Variants in TSHZ2 observed in about 807,000 individuals in gnomAD.
TSHZ2 encodes teashirt homolog 2.
In TSHZ2, 21 loss-of-function variants were observed where a neutral mutation model predicts 74.4. That is an observed-to-expected ratio of 0.28 (90% confidence interval 0.20 to 0.41). The LOEUF is 0.41. TSHZ2 is among the 10% of genes least tolerant of loss of function. The pLI, the probability that TSHZ2 is intolerant of heterozygous loss-of-function variation, is 1.00. For synonymous variants in TSHZ2, 540 were observed against 515.3 expected (o/e 1.05, Z -0.65); for missense variants, 1,244 against 1,293.5 (o/e 0.96, Z 0.59).
intron 2 of TSHZ2, among the ~76,000 whole-genome samples, chr20:53,414,668 T>A (rs776524629): frequency 3.2e-4 from 48 of 152,032 alleles, no homozygotes; most frequent in South Asian, 6.3e-4. Flanking sequence ...TTAAAAAAAA[T>A]TTTATTTAAT....
intron 2 of TSHZ2, among the ~76,000 whole-genome samples, chr20:53,290,704 G>A (rs562188304): frequency 4.9e-4 from 74 of 152,300 alleles, no homozygotes; most frequent in Non-Finnish European, 6.2e-4. Context: ...GTATAGAGAG[G>A]TAAATGTATT....
intron 2 of TSHZ2, chr20:53,455,567 T>A (rs1985029708): frequency 6.6e-6 from 1 of 151,440 alleles, no homozygotes; most frequent in African/African-American, 2.4e-5. Flanking sequence ...TTTTTCTTTT[T>A]TTATTATTAT....
chr20:53,463,028 C>T (rs1049432889), intron 2 of TSHZ2, among the ~76,000 whole-genome samples: 2 of 152,158 alleles, frequency 1.3e-5, no homozygotes, highest in African/African-American at 4.8e-5. Context: ...TAAGGTAAGT[C>T]CACAATAACT....
chr20:53,236,835 A>G (rs973297340), intron 1 of TSHZ2, among the ~76,000 whole-genome samples: 1 of 152,168 alleles, frequency 6.6e-6, no homozygotes, highest in Non-Finnish European at 1.5e-5. Context: ...TGAAGTGGGG[A>G]AAAGCCCCTT....
chr20:53,283,719 A>G (rs1991109001), intron 2 of TSHZ2, among the ~76,000 whole-genome samples: 2 of 152,132 alleles, frequency 1.3e-5, no homozygotes, highest in Non-Finnish European at 1.5e-5. Flanking sequence ...TCTTATTCCT[A>G]TTTTACAGTT....
intron 1 of TSHZ2, among the ~76,000 whole-genome samples, chr20:53,099,224 A>C (rs1189532021): frequency 6.6e-6 from 1 of 152,212 alleles, no homozygotes; most frequent in Non-Finnish European, 1.5e-5. Context: ...ATGCAGCTGC[A>C]TTCCTCAAAG....
chr20:53,134,029 C>A (rs1600706019), intron 1 of TSHZ2, among the ~76,000 whole-genome samples: 1 of 146,154 alleles, frequency 6.8e-6, no homozygotes, highest in African/African-American at 2.6e-5. Context: ...TCTGGAGAAA[C>A]AGATAGCCAC....
At chr20:53,250,905 G>C (rs1392818044) in intron 1 of TSHZ2, among the ~76,000 whole-genome samples, 1 of 146,926 alleles carries the variant, frequency 6.8e-6, no homozygotes, top group Non-Finnish European at 1.5e-5. Flanking sequence ...GGCAGATTGT[G>C]TGTGTGTGTG....
chr20:53,028,793 T>A (rs1388858269), intron 1 of TSHZ2, among the ~76,000 whole-genome samples: 1 of 152,120 alleles, frequency 6.6e-6, no homozygotes, highest in Non-Finnish European at 1.5e-5. Flanking sequence ...CTCTGGAGAT[T>A]ACACCATCTT....
intron 1 of TSHZ2, among the ~76,000 whole-genome samples, chr20:53,235,797 G>A (rs937337031): frequency 6.6e-5 from 10 of 152,100 alleles, no homozygotes; most frequent in Admixed American, 5.2e-4. Flanking sequence ...TATTGGTGAG[G>A]TGCCCAGGAT....
At chr20:53,442,179 A>T (rs1984359773) in intron 2 of TSHZ2, among the ~76,000 whole-genome samples, 1 of 152,116 alleles carries the variant, frequency 6.6e-6, no homozygotes, top group Non-Finnish European at 1.5e-5. Context: ...GGAATGTATG[A>T]GTGTGTGTAC....
At chr20:53,359,501 A>G (rs1980972695) in intron 2 of TSHZ2, among the ~76,000 whole-genome samples, 1 of 152,176 alleles carries the variant, frequency 6.6e-6, no homozygotes, top group Admixed American at 6.5e-5. Flanking sequence ...TTTATCTGAA[A>G]CTCACATTTA....
At chr20:53,205,210 G>T (rs1225962856) in intron 1 of TSHZ2, among the ~76,000 whole-genome samples, 1 of 152,146 alleles carries the variant, frequency 6.6e-6, no homozygotes, top group Non-Finnish European at 1.5e-5. Flanking sequence ...TAACCACTGT[G>T]CTAAGCAAGA....
chr20:52,988,924 C>T (rs1047563358), intron 1 of TSHZ2, among the ~76,000 whole-genome samples: 1 of 152,064 alleles, frequency 6.6e-6, no homozygotes, highest in African/African-American at 2.4e-5. Flanking sequence ...AAATATGGAA[C>T]GCATGCAACG....
intron 1 of TSHZ2, among the ~76,000 whole-genome samples, chr20:53,125,079 T>A (rs1020287444): frequency 1.3e-5 from 2 of 152,240 alleles, no homozygotes; most frequent in Non-Finnish European, 2.9e-5. Context: ...GCCAATTTAC[T>A]CAACCTCTTT....
intron 2 of TSHZ2, among the ~76,000 whole-genome samples, chr20:53,425,440 A>C (rs1200168602): frequency 6.6e-6 from 1 of 152,208 alleles, no homozygotes; most frequent in Non-Finnish European, 1.5e-5. Flanking sequence ...TTTCCCTGCA[A>C]GGAAGCCCAT....
chr20:53,316,555 G>A (rs1053062916), intron 2 of TSHZ2, among the ~76,000 whole-genome samples: 7 of 150,146 alleles, frequency 4.7e-5, no homozygotes, highest in South Asian at 2.1e-4. Flanking sequence ...TTCTGTCCAC[G>A]TGCATTTCAA....
In TSHZ2 at chr20:53,359,736, A is replaced by T. The variant is rs539973408; in HGVS notation, c.*8+103165A>T. 2.6e-5 allele frequency among the ~76,000 whole-genome samples: 4 copies of T among 152,314 alleles called. No homozygotes were observed. The East Asian group carries it at 7.7e-4, about 29-fold the overall frequency. ...AGGCCACTGTGGCTGGAACAGAAAG[A>T]TGGCTAGACAAAAGAGGGAAAGGAG... On this transcript the variant is annotated intron_variant, in intron 2 of 2. Coordinates refer to ENST00000371497, the MANE Select transcript of TSHZ2 (RefSeq NM_173485.6).
At chr20:53,013,976 C>T (rs75999367) in intron 1 of TSHZ2, among the ~76,000 whole-genome samples, 4,613 of 152,176 alleles carry the variant, frequency 0.03, 104 homozygotes, top group Non-Finnish European at 0.045. Flanking sequence ...TTTCCTGCCT[C>T]GTGGGGATGA....
Sources: allele counts gnomAD v4.1 joint callset (sites outside exome capture counted in the v4.1 genomes callset), GRCh38; gene constraint gnomAD v4.1.1; transcripts MANE v1.5; gene names NCBI Gene and HGNC (gene_info 2026-07-23, HGNC 2026-07-21).